Variants in EIF4ENIF1 observed in about 807,000 individuals in gnomAD.
EIF4ENIF1 encodes the protein eukaryotic translation initiation factor 4E nuclear import factor 1, also known as eukaryotic translation initiation factor 4E transporter.
In EIF4ENIF1, 23 loss-of-function variants were observed where a neutral mutation model predicts 110.5. That is an observed-to-expected ratio of 0.21 (90% confidence interval 0.15 to 0.29). EIF4ENIF1 has a LOEUF of 0.29. EIF4ENIF1 is among the 10% of genes least tolerant of loss of function. EIF4ENIF1 has a pLI of 1.00. For synonymous variants in EIF4ENIF1, 440 were observed against 437.0 expected (o/e 1.01, Z -0.09); for missense variants, 1,031 against 1,221.1 (o/e 0.84, Z 2.32).
In EIF4ENIF1 at chr22:31,442,017, G is replaced by A. The variant is rs748678558; in HGVS notation, c.2308C>T (p.Pro770Ser). Residue 770 changes from proline to serine, a missense_variant, in exon 17 of 19, where the codon CCA (proline) becomes TCA (serine). Pro to Ser is a moderately conservative substitution (Grantham distance 74). Around this residue, in one of 3 missense-constraint regions of EIF4ENIF1, gnomAD observed 309 missense variants for 299.1 expected, o/e 1.03. Transcript: ENST00000330125. ...GTGTAACGGTTGGCCTGGGACAGTG[G>A]GGTGGAACACGAAGACCTCTGTAAT... ...SALQRSSCST[P>S]LSQANRYTKE... is the part of the protein sequence containing the mutation. The A allele has an allele frequency of 2.5e-6, 4 of 1,614,046 alleles. No individual in the cohort carries two copies. The Admixed American group carries it at 5.0e-5, about 20-fold the overall frequency.
chr22:31,442,012 C>G lies in EIF4ENIF1; in HGVS notation c.2313G>C (p.Leu771=). The change falls in exon 17 of 19, where the codon CTG becomes CTC. Residue 771 remains leucine, a synonymous_variant. Transcript: ENST00000330125. ...ALQRSSCSTP[L]SQANRYTKEQ... is the part of the protein sequence containing the mutation. ...CTTTGGTGTAACGGTTGGCCTGGGA[C>G]AGTGGGGTGGAACACGAAGACCTCT... The G allele has an allele frequency of 6.2e-7, 1 of 1,614,126 alleles. No homozygotes were observed. The highest frequency in any genetic ancestry group is 8.5e-7 in the Non-Finnish European group (1 of 1,180,016).
chr22:31,480,082 A>G (rs2051754622), intron 2 of EIF4ENIF1, among the ~76,000 whole-genome samples: 1 of 152,170 alleles, frequency 6.6e-6, no homozygotes, highest in Non-Finnish European at 1.5e-5. Flanking sequence ...TGGCGAATAT[A>G]AGAGTTAATA....
intron 2 of EIF4ENIF1, among the ~76,000 whole-genome samples, chr22:31,475,311 A>C (rs2051531705): frequency 6.6e-6 from 1 of 152,214 alleles, no homozygotes; most frequent in Non-Finnish European, 1.5e-5. Flanking sequence ...ATCACCAGTA[A>C]AGATAGGAGT....
chr22:31,449,796 T>A (rs933830667), intron 11 of EIF4ENIF1, among the ~76,000 whole-genome samples: 5 of 151,442 alleles, frequency 3.3e-5, no homozygotes, highest in Non-Finnish European at 7.4e-5. Context: ...AGTGACATGA[T>A]CTCGGCTCAC....
intron 4 of EIF4ENIF1, among the ~76,000 whole-genome samples, chr22:31,466,194 C>G (rs1323882853): frequency 6.6e-6 from 1 of 152,174 alleles, no homozygotes; most frequent in African/African-American, 2.4e-5. Flanking sequence ...GGGTGGATCA[C>G]TTGAGGTCAG....
chr22:31,492,743 A>G (rs917615178), upstream of EIF4ENIF1, among the ~76,000 whole-genome samples: 1 of 151,908 alleles, frequency 6.6e-6, no homozygotes, highest in Non-Finnish European at 1.5e-5. Flanking sequence ...TTTATTTTTT[A>G]TTTTTTGAGA....
At chr22:31,450,681 ACT>A in intron 10 of EIF4ENIF1, 1 of 307,422 alleles carries the variant, frequency 3.3e-6, no homozygotes. Flanking sequence ...ACTTGAGATA[ACT>A]CTTGCTACCC....
chr22:31,488,449 G>C (rs528119728), intron 2 of EIF4ENIF1, among the ~76,000 whole-genome samples, 174 bp downstream of exon 2: 1 of 151,896 alleles, frequency 6.6e-6, no homozygotes, highest in African/African-American at 2.4e-5. Flanking sequence ...TAAACGCTGG[G>C]TATCTACACT....
upstream of EIF4ENIF1, among the ~76,000 whole-genome samples, chr22:31,492,849 A>G (rs759866805): frequency 2.6e-5 from 4 of 151,832 alleles, no homozygotes; most frequent in Non-Finnish European, 4.4e-5. Flanking sequence ...CTCCTGCCTC[A>G]GCCTCCTGAG....
At chr22:31,437,989 T>G (rs554422869), downstream of EIF4ENIF1, among the ~76,000 whole-genome samples, 332 of 152,348 alleles carry the variant, frequency 2.2e-3, 3 homozygotes, top group Non-Finnish European at 3.8e-3. Context: ...CAGGTTTTCT[T>G]GAAAGGTGAC....
intron 6 of EIF4ENIF1, among the ~76,000 whole-genome samples, chr22:31,459,147 T>C (rs2045486090): frequency 6.6e-6 from 1 of 152,032 alleles, no homozygotes; most frequent in Non-Finnish European, 1.5e-5. Flanking sequence ...AGCCTGGACT[T>C]AAACTGCTGA....
At chr22:31,478,884 G>A (rs1232565444) in intron 2 of EIF4ENIF1, among the ~76,000 whole-genome samples, 6 of 150,996 alleles carry the variant, frequency 4.0e-5, no homozygotes, top group Admixed American at 2.0e-4. Context: ...CCCGGGAGGC[G>A]GAGCTTGCAG....
Position 31,447,499 on chromosome 22 carries a change from G to C in EIF4ENIF1, c.1915C>G (p.Gln639Glu). 6.2e-7 allele frequency: 1 copy of C among 1,613,008 alleles called. No individual in the cohort carries two copies. The change falls in exon 14 of 19, where the codon CAG becomes GAG. Residue 639 changes from glutamine to glutamate, a missense_variant. Gln to Glu is a conservative substitution (Grantham distance 29, BLOSUM62 2). Around this residue, in one of 3 missense-constraint regions of EIF4ENIF1, gnomAD observed 704 missense variants for 879.7 expected, o/e 0.80. Coordinates refer to ENST00000330125, the MANE Select transcript of EIF4ENIF1 (RefSeq NM_019843.4). ...CCAGGCTGGTAGAAGTTTGCTGCCTGTACAGCAAGGTCATGTGGCAAGGCC... is the reference window on the plus strand; with the variant it reads ...CCAGGCTGGTAGAAGTTTGCTGCCTCTACAGCAAGGTCATGTGGCAAGGCC... The part of the protein sequence containing the change: ...GLALPHDLAV[Q>E]AANFYQPGFG...
chr22:31,453,876 T>TA (rs1216611280), intron 10 of EIF4ENIF1, among the ~76,000 whole-genome samples: 1 of 152,196 alleles, frequency 6.6e-6, no homozygotes, highest in Non-Finnish European at 1.5e-5. Flanking sequence ...AGCAGTGACT[T>TA]AAAGTTATAC....
At chr22:31,441,550 G>GAAAAAAAAA (rs771597260) in intron 17 of EIF4ENIF1, among the ~76,000 whole-genome samples, 11 of 65,240 alleles carry the variant, frequency 1.7e-4, no homozygotes, top group African/African-American at 5.3e-4. Context: ...CTACAAAAAG[G>GAAAAAAAAA]AAAAAAAAAA....
chr22:31,457,598 C>T (rs1384492777), intron 7 of EIF4ENIF1, among the ~76,000 whole-genome samples: 1 of 152,128 alleles, frequency 6.6e-6, no homozygotes. Context: ...CCCACAGTTT[C>T]CAAAGTTAAG....
At chr22:31,451,964 A>G (rs549746804) in intron 10 of EIF4ENIF1, among the ~76,000 whole-genome samples, 3 of 152,286 alleles carry the variant, frequency 2.0e-5, no homozygotes, top group South Asian at 4.1e-4. Context: ...AAGAATACCC[A>G]AGTATTTTAT....
intron 4 of EIF4ENIF1, among the ~76,000 whole-genome samples, chr22:31,465,877 ATTC>A (rs2051168282): frequency 6.6e-6 from 1 of 152,232 alleles, no homozygotes. Flanking sequence ...AATCGTAACT[ATTC>A]TTAATGAAAA....
chr22:31,477,379 A>AC (rs1442682608), intron 2 of EIF4ENIF1, among the ~76,000 whole-genome samples: 3 of 126,620 alleles, frequency 2.4e-5, no homozygotes, highest in African/African-American at 8.7e-5. Flanking sequence ...AAAAAACAAA[A>AC]AAAACAAAAA....
Sources: gnomAD v4.1 joint callset for allele counts (sites outside exome capture counted in the v4.1 genomes callset) on GRCh38, gnomAD v4.1.1 for gene constraint, gnomAD v4.1.1 regional missense constraint, MANE v1.5 for transcripts, NCBI Gene and HGNC (gene_info 2026-07-23, HGNC 2026-07-21) for gene names.